Variants in RGS7 observed in about 807,000 individuals in gnomAD.
The protein encoded by RGS7 is regulator of G protein signaling 7, also known as regulator of G-protein signaling 7.
RGS7 carries 27 observed loss-of-function variants against 81.1 expected under a neutral mutation model. The observed-to-expected ratio is 0.33, with a 90% CI of 0.25 to 0.46. RGS7 has a LOEUF of 0.46. Ranked by LOEUF, RGS7 falls within the 20% of genes least tolerant of loss-of-function variation. RGS7 has a pLI of 1.00. For synonymous variants in RGS7, 208 were observed against 207.7 expected, an observed-to-expected ratio of 1.00 and a Z score of -0.01; for missense variants, 396 against 607.4, an observed-to-expected ratio of 0.65 and a Z score of 3.66.
At chr1:241,182,961 A>G (rs1213294864) in intron 2 of RGS7, among the ~76,000 whole-genome samples, 2 of 149,504 alleles carry the variant, frequency 1.3e-5, no homozygotes, top group Non-Finnish European at 3.0e-5. Flanking sequence ...TTTTTTTCTT[A>G]AAGAAAGAAT....
At chr1:241,192,612 A>G (rs2072770582) in intron 2 of RGS7, among the ~76,000 whole-genome samples, 1 of 152,224 alleles carries the variant, frequency 6.6e-6, no homozygotes, top group Non-Finnish European at 1.5e-5. Flanking sequence ...TAGTCAAAAC[A>G]TGAATAATTT....
chr1:241,036,768 G>A (rs1043191857), intron 3 of RGS7, among the ~76,000 whole-genome samples: 2 of 152,200 alleles, frequency 1.3e-5, no homozygotes, highest in Non-Finnish European at 2.9e-5. Flanking sequence ...CATATGCCTA[G>A]CTTGCCGTGC....
intron 18 of RGS7, among the ~76,000 whole-genome samples, chr1:240,787,907 G>T (rs1159260922): frequency 6.6e-6 from 1 of 152,168 alleles, no homozygotes; most frequent in African/African-American, 2.4e-5. Context: ...TGCTCTGGTT[G>T]GGGGAAGTTG....
intron 3 of RGS7, among the ~76,000 whole-genome samples, chr1:241,068,238 G>GTGTGTGTGTGTGTA: frequency 2.8e-5 from 1 of 35,660 alleles, no homozygotes; most frequent in African/African-American, 9.5e-5. Context: ...GTGTGTGTGT[G>GTGTGTGTGTGTGTA]TATATATATA....
At chr1:241,251,357 C>A (rs2076817298) in intron 2 of RGS7, among the ~76,000 whole-genome samples, 1 of 152,068 alleles carries the variant, frequency 6.6e-6, no homozygotes, top group Admixed American at 6.6e-5. Flanking sequence ...AAATGTCTTA[C>A]TATTATGTAC....
chr1:241,332,043 G>C (rs151138352), intron 2 of RGS7, among the ~76,000 whole-genome samples: 1 of 152,088 alleles, frequency 6.6e-6, no homozygotes, highest in African/African-American at 2.4e-5. Context: ...CTGCCCCCTC[G>C]ACCTCTGTTA....
chr1:240,807,644 G>A lies in RGS7; in HGVS notation c.1083-1318C>T, dbSNP rs370115264. Among the ~76,000 whole-genome samples the A allele has an allele frequency of 1.7e-4, 26 of 152,150 alleles. 2 individuals are homozygous for A. The highest frequency in any genetic ancestry group is 5.2e-4 in the Admixed American group (8 of 15,288). The stretch of plus-strand genomic sequence containing the variant: ...CAGAGGATAATCTAAGTTTGACAAC[G>A]CCTCAAACAGGAAACTACCACCATG... On this transcript the variant is annotated intron_variant, in intron 14 of 18. Coordinates refer to ENST00000440928, the MANE Select transcript of RGS7 (RefSeq NM_001364886.1).
chr1:240,786,862 C>T (rs969464454), intron 18 of RGS7, among the ~76,000 whole-genome samples: 3 of 152,134 alleles, frequency 2.0e-5, no homozygotes, highest in Admixed American at 6.6e-5. Flanking sequence ...GTTGTACTTT[C>T]AGATTGTGTT....
intron 3 of RGS7, among the ~76,000 whole-genome samples, chr1:241,020,499 G>C (rs2059484299): frequency 6.6e-6 from 1 of 151,868 alleles, no homozygotes; most frequent in Non-Finnish European, 1.5e-5. Context: ...AAGATTTATG[G>C]CCCACCCAGA....
intron 2 of RGS7, among the ~76,000 whole-genome samples, chr1:241,340,144 T>C (rs943273845): frequency 1.3e-4 from 20 of 152,170 alleles, no homozygotes; most frequent in African/African-American, 4.6e-4. Flanking sequence ...TAATGATCTA[T>C]ACTAAAACTT....
chr1:240,990,136 G>A (rs990151627), intron 3 of RGS7, among the ~76,000 whole-genome samples: 3 of 152,164 alleles, frequency 2.0e-5, no homozygotes, highest in African/African-American at 7.2e-5. Context: ...GCCAACTGTG[G>A]CAAGAAAAGA....
rs2081076542 is a variant in RGS7, at chr1:241,319,369, T to TG, written c.78+36329dup. Among the ~76,000 whole-genome samples the TG allele has an allele frequency of 4.6e-5, 7 of 152,332 alleles. 1 individual carries two copies. In the South Asian group the frequency reaches 1.4e-3, roughly 32 times the overall value. Reference sequence around the variant, plus strand: ...ACAAGAATATAGATTTTACTGTTAATGGTGCCTATTAAATGTTGGTATAAA... The same window carrying TG: ...ACAAGAATATAGATTTTACTGTTAATGGGTGCCTATTAAATGTTGGTATAAA... On this transcript the variant is annotated intron_variant, in intron 2 of 18. Coordinates refer to ENST00000440928, the MANE Select transcript of RGS7 (RefSeq NM_001364886.1).
chr1:241,098,250 G>A (rs747720419), intron 3 of RGS7, among the ~76,000 whole-genome samples: 2 of 152,184 alleles, frequency 1.3e-5, no homozygotes, highest in Non-Finnish European at 2.9e-5. Flanking sequence ...GCGGTCTTGA[G>A]CGAGTATGGC....
intron 2 of RGS7, among the ~76,000 whole-genome samples, chr1:241,169,336 CTTTTTTT>C (rs57753661): frequency 2.7e-5 from 2 of 74,270 alleles, no homozygotes; most frequent in Non-Finnish European, 4.8e-5. Context: ...ATGTGTGTTT[CTTTTTTT>C]TTTTTTTTTT....
At chr1:241,021,132 AAGCTCT>A (rs1315474946) in intron 3 of RGS7, among the ~76,000 whole-genome samples, 4 of 152,176 alleles carry the variant, frequency 2.6e-5, no homozygotes, top group African/African-American at 9.7e-5. Flanking sequence ...AGAACCAAAG[AAGCTCT>A]ATTTTGCATG....
intron 2 of RGS7, among the ~76,000 whole-genome samples, chr1:241,156,171 TAC>T (rs1553270970): frequency 3.2e-4 from 48 of 150,874 alleles, no homozygotes; most frequent in African/African-American, 1.2e-3. Flanking sequence ...GATAGATAGA[TAC>T]ATATACATAG....
chr1:241,343,047 G>A (rs1184004247), intron 2 of RGS7, among the ~76,000 whole-genome samples: 2 of 152,048 alleles, frequency 1.3e-5, no homozygotes, highest in African/African-American at 2.4e-5. Flanking sequence ...AGGATGACGA[G>A]GTCAGGAGAT....
At chr1:241,188,402 G>A (rs1206428219) in intron 2 of RGS7, among the ~76,000 whole-genome samples, 1 of 151,880 alleles carries the variant, frequency 6.6e-6, no homozygotes, top group Non-Finnish European at 1.5e-5. Context: ...ATAGTTGAGT[G>A]GGTTTTCAGA....
rs576414629 is a variant in RGS7 at position 240,855,465 on chromosome 1, G to C, written c.609+13122C>G. On this transcript the variant is annotated intron_variant, in intron 9 of 18. Transcript: ENST00000440928. Reference sequence around the variant, plus strand: ...TTTTTTTTTGAGACATGGTCTCACTGTGTCGCCCAGGCTGGAATGCAACGG... The same window carrying C: ...TTTTTTTTTGAGACATGGTCTCACTCTGTCGCCCAGGCTGGAATGCAACGG... 2.7e-3 allele frequency among the ~76,000 whole-genome samples: 410 copies of C among 150,098 alleles called. 1 individual carries two copies. Among genetic ancestry groups the C allele is most frequent in the Non-Finnish European group, 4.2e-3 (281 of 67,604 alleles).
Sources: allele counts gnomAD v4.1 joint callset (sites outside exome capture counted in the v4.1 genomes callset), GRCh38; gene constraint gnomAD v4.1.1; transcripts MANE v1.5; gene names NCBI Gene and HGNC (gene_info 2026-07-23, HGNC 2026-07-21).